The following OFD1 variants were observed in gnomAD, a reference collection of about 807,000 sequenced individuals.
OFD1 encodes centriole and centriolar satellite protein OFD1.
A neutral mutation model predicts 81.4 loss-of-function variants in OFD1; 12 were observed. The ratio of observed to expected loss-of-function variants is 0.15; its 90% CI spans 0.09 to 0.24. The LOEUF (loss-of-function observed/expected upper bound fraction) is 0.24. OFD1 is among the 10% of genes least tolerant of loss of function. OFD1 has a pLI of 1.00. For synonymous variants in OFD1, 256 were observed against 263.7 expected (o/e 0.97, Z 0.28); for missense variants, 685 against 733.9 (o/e 0.93, Z 0.77).
downstream of OFD1, chrX:13,771,943 T>G (rs113757346): frequency 8.9e-6 from 1 of 112,554 alleles, no homozygotes; most frequent in East Asian, 2.8e-4. Flanking sequence ...ATAGTTGGTA[T>G]GAAACTGTAA....
At chrX:13,748,072 C>T (rs2146975436) in intron 8 of OFD1, among the ~76,000 whole-genome samples, 1 of 112,080 alleles carries the variant, frequency 8.9e-6, no homozygotes, top group Non-Finnish European at 1.9e-5. Flanking sequence ...TGGGGCTTCT[C>T]AATAAGACCT....
downstream of OFD1, chrX:13,773,023 A>G: frequency 1.7e-6 from 2 of 1,209,482 alleles, no homozygotes; most frequent in Non-Finnish European, 2.2e-6. Flanking sequence ...TATCATGAGG[A>G]AGTGGATCTG....
intron 12 of OFD1, among the ~76,000 whole-genome samples, chrX:13,755,946 C>CTTTTTTTTT (rs34300430): frequency 9.2e-5 from 6 of 65,086 alleles, no homozygotes; most frequent in East Asian, 5.2e-4. Flanking sequence ...CTTTCTTTCC[C>CTTTTTTTTT]TTTTTTTTTT....
intron 21 of OFD1, among the ~76,000 whole-genome samples, chrX:13,768,474 G>GA (rs1312289839): frequency 1.8e-5 from 2 of 112,020 alleles, no homozygotes; most frequent in African/African-American, 3.2e-5. Context: ...GGCTCATTAA[G>GA]AAAGAAAAGA....
intron 8 of OFD1, among the ~76,000 whole-genome samples, chrX:13,747,967 A>G (rs878982744): frequency 9.0e-6 from 1 of 111,391 alleles, no homozygotes; most frequent in Admixed American, 9.5e-5. Context: ...TCTTAGACCA[A>G]ACTAGATTTA....
At chrX:13,752,629 A>G (rs996699010) in intron 10 of OFD1, 2 of 899,641 alleles carry the variant, frequency 2.2e-6, no homozygotes, top group African/African-American at 4.1e-5. Flanking sequence ...ATTTTTAGGA[A>G]TAAATGAATT....
chrX:13,727,636 A>G, the OFD1 span, among the ~76,000 whole-genome samples: 1 of 111,931 alleles, frequency 8.9e-6, no homozygotes, highest in Non-Finnish European at 1.9e-5. Flanking sequence ...AAATGCCCAC[A>G]ACAGAAAGCA....
intron 3 of OFD1, among the ~76,000 whole-genome samples, chrX:13,738,498 T>TA (rs1328198764): frequency 8.9e-6 from 1 of 112,771 alleles, no homozygotes; most frequent in Non-Finnish European, 1.9e-5. Flanking sequence ...GAATACTTTT[T>TA]AAAAAATTGT....
upstream of OFD1, among the ~76,000 whole-genome samples, chrX:13,733,217 ACT>A (rs932786500): frequency 3.6e-5 from 4 of 110,801 alleles, no homozygotes; most frequent in Non-Finnish European, 5.7e-5. Context: ...TTTTTAGAAC[ACT>A]GTTTTCATCA....
At chrX:13,751,667 C>T (rs1255696580) in intron 10 of OFD1, among the ~76,000 whole-genome samples, 2 of 111,238 alleles carry the variant, frequency 1.8e-5, no homozygotes, top group Non-Finnish European at 3.8e-5. Flanking sequence ...AACCCCATCT[C>T]TACTAAAAAT....
chrX:13,768,687 T>G, intron 21 of OFD1, 31 bp from the exon 22 acceptor site: 2 of 1,146,231 alleles, frequency 1.7e-6, no homozygotes, highest in Non-Finnish European at 2.4e-6. Context: ...ATATCTAATT[T>G]CAAAATTTTC....
intron 3 of OFD1, among the ~76,000 whole-genome samples, chrX:13,738,369 A>G (rs766518993): frequency 8.8e-5 from 10 of 113,003 alleles, no homozygotes; most frequent in Non-Finnish European, 1.5e-4. Flanking sequence ...AGTGAATGGT[A>G]TATACTGTAG....
Position 13,762,497 on chromosome X carries a change from A to T in OFD1, c.2488+53A>T, listed in dbSNP as rs1025512477. 3 of 804,062 alleles carry T rather than the reference A, an allele frequency of 3.7e-6. No individual in the cohort carries two copies. The African/African-American group carries it at 6.1e-5, about 16-fold the overall frequency. 66.3% of individuals were successfully genotyped at this position (804,062 alleles called of 1,213,427 possible). Reference sequence around the variant, plus strand: ...TATATGTTGAAAATCTAGAAAGCTTAGTTTTGGTGAAACGTATCCATTGGT... The same window carrying T: ...TATATGTTGAAAATCTAGAAAGCTTTGTTTTGGTGAAACGTATCCATTGGT... On this transcript the variant is annotated intron_variant, in intron 18 of 22. Transcript: ENST00000340096.
intron 11 of OFD1, among the ~76,000 whole-genome samples, chrX:13,753,958 T>C (rs1223524066): frequency 8.9e-6 from 1 of 112,077 alleles, no homozygotes; most frequent in Non-Finnish European, 1.9e-5. Context: ...AATTTTTCAA[T>C]CTTCAGATGT....
chrX:13,773,097 G>T (rs2048330183), downstream of OFD1: 4 of 999,053 alleles, frequency 4.0e-6, no homozygotes, highest in Admixed American at 7.1e-5. Flanking sequence ...GCGCTAGTTA[G>T]ATTAGACAGA....
chrX:13,726,457 G>A, the OFD1 span, among the ~76,000 whole-genome samples: 22 of 111,587 alleles, frequency 2.0e-4, no homozygotes, highest in Non-Finnish European at 3.4e-4. Flanking sequence ...CCAATATTCA[G>A]CATTCTTAAA....
At chrX:13,742,175 C>T (rs948428818) in intron 5 of OFD1, among the ~76,000 whole-genome samples, 3 of 111,826 alleles carry the variant, frequency 2.7e-5, no homozygotes, top group African/African-American at 9.7e-5. Context: ...AATACATCCA[C>T]ACAAATATAG....
intron 19 of OFD1, among the ~76,000 whole-genome samples, chrX:13,765,923 C>A (rs1396616949): frequency 8.9e-6 from 1 of 111,952 alleles, no homozygotes; most frequent in African/African-American, 3.2e-5. Flanking sequence ...GTTGTCACTT[C>A]AGGAATAAGG....
At chrX:13,773,310 CTTTTT>C (rs11305581), downstream of OFD1, 88 of 134,027 alleles carry the variant, frequency 6.6e-4, no homozygotes, top group African/African-American at 3.0e-3. Flanking sequence ...CGAGAGGGTG[CTTTTT>C]TTTTTTTTTT....
Sources: gnomAD v4.1 joint callset for allele counts (sites outside exome capture counted in the v4.1 genomes callset) on GRCh38, gnomAD v4.1.1 for gene constraint, MANE v1.5 for transcripts, NCBI Gene and HGNC (gene_info 2026-07-23, HGNC 2026-07-21) for gene names.